The following ADGRE1 variants were observed in gnomAD, a reference collection of about 807,000 sequenced individuals.
ADGRE1 encodes adhesion G protein-coupled receptor E1.
A neutral mutation model predicts 102.7 loss-of-function variants in ADGRE1; 82 were observed. That is an observed-to-expected ratio of 0.80 (90% CI 0.67 to 0.96). The LOEUF (loss-of-function observed/expected upper bound fraction) is 0.96, where lower values mean the gene tolerates loss of function less well. Ranked by LOEUF, ADGRE1 falls within the 40% of genes least tolerant of loss-of-function variation. ADGRE1 has a pLI of 0.00. For missense variants in ADGRE1, 1,032 were observed against 1,085.3 expected (o/e 0.95, Z 0.69); for synonymous variants, 398 against 399.6 (o/e 1.00, Z 0.05).
At chr19:6,897,917 C>T (rs796988842) in intron 5 of ADGRE1, 1 of 76,216 alleles carries the variant, frequency 1.3e-5, no homozygotes, top group African/African-American at 1.1e-4. Context: ...AACATGATTT[C>T]CTTCCTTCCT....
intron 9 of ADGRE1, among the ~76,000 whole-genome samples, chr19:6,907,037 T>C (rs1049325833): frequency 3.3e-5 from 5 of 152,112 alleles, no homozygotes; most frequent in South Asian, 2.1e-4. Flanking sequence ...GTAATGTTGG[T>C]GTGGGGGTGT....
chr19:6,890,421 G>GTTTT (rs57355800), intron 1 of ADGRE1, 60 bp from the exon 2 acceptor site: 923 of 449,188 alleles, frequency 2.1e-3, no homozygotes, highest in South Asian at 4.1e-3. Context: ...AGCCCAAAAG[G>GTTTT]TTTTTTTTTT....
intron 15 of ADGRE1, among the ~76,000 whole-genome samples, chr19:6,925,530 G>A (rs1037757583): frequency 2.0e-5 from 3 of 152,078 alleles, no homozygotes; most frequent in African/African-American, 2.4e-5. Context: ...CTGGAGCAGC[G>A]TGCTACTGCT....
At chr19:6,892,675 CCACTATT>C (rs1224950219) in intron 2 of ADGRE1, among the ~76,000 whole-genome samples, 1 of 152,214 alleles carries the variant, frequency 6.6e-6, no homozygotes, top group Non-Finnish European at 1.5e-5. Flanking sequence ...AAACCCAACT[CCACTATT>C]CACAATAGTC....
At chr19:6,937,441 T>TCCCCCCCCCCCCCCCC in intron 19 of ADGRE1, 30 bp downstream of exon 19, 1 of 629,002 alleles carries the variant, frequency 1.6e-6, no homozygotes, top group Non-Finnish European at 2.2e-6. Flanking sequence ...CCCATCCCCC[T>TCCCCCCCCCCCCCCCC]CCTCCCATCC....
chr19:6,898,636 G>A, intron 5 of ADGRE1: 1 of 1,424,506 alleles, frequency 7.0e-7, no homozygotes. Flanking sequence ...TTCTGACTGT[G>A]TCAACTCCAT....
intron 20 of ADGRE1, among the ~76,000 whole-genome samples, chr19:6,939,741 T>C (rs896416492): frequency 1.3e-5 from 2 of 152,096 alleles, no homozygotes; most frequent in Admixed American, 6.6e-5. Flanking sequence ...CAGAAGTGTA[T>C]CATGTGACCA....
At chr19:6,919,976 C>T (rs11668944) in intron 13 of ADGRE1, among the ~76,000 whole-genome samples, 42,009 of 151,968 alleles carry the variant, frequency 0.28, 7,110 homozygotes, top group African/African-American at 0.47. Flanking sequence ...AGCCAAACAC[C>T]GAAGCACCGG....
intron 5 of ADGRE1, chr19:6,898,475 G>C (rs4086758): frequency 2.5e-6 from 4 of 1,587,842 alleles, no homozygotes; most frequent in African/African-American, 1.3e-5. Flanking sequence ...GATGCCCTCA[G>C]GTTCCCAGGG....
intron 17 of ADGRE1, among the ~76,000 whole-genome samples, chr19:6,929,983 C>T (rs112260149): frequency 0.012 from 1,753 of 152,260 alleles, 33 homozygotes; most frequent in African/African-American, 0.039. Context: ...CCCAGGTAAC[C>T]GCTTTCCTAT....
At position 6,926,441 on chromosome 19, in the gene ADGRE1, G is replaced by C. The variant is rs1974915608; in HGVS notation, c.2062G>C (p.Val688Leu). 1 of 1,614,232 alleles carries C rather than the reference G, an allele frequency of 6.2e-7. No homozygotes were observed. The highest frequency in any genetic ancestry group is 1.3e-5 in the African/African-American group (1 of 75,070). The stretch of plus-strand genomic sequence containing the variant: ...CTTCTTCTGGATGCTGGTGGAGGCT[G>C]TGATACTGTTCTTGATGGTCAGAAA... ...ACFFWMLVEA[V>L]ILFLMVRNLK... Residue 688 changes from valine (V) to leucine (L), a missense_variant, in exon 16 of 21, where the codon GTG (valine) becomes CTG (leucine). By Grantham distance (32) the Val-to-Leu change is conservative. Transcript: ENST00000312053.
intron 2 of ADGRE1, among the ~76,000 whole-genome samples, chr19:6,893,892 G>C (rs1302505357): frequency 6.6e-6 from 1 of 152,188 alleles, no homozygotes; most frequent in Non-Finnish European, 1.5e-5. Flanking sequence ...ATGCTGTACG[G>C]AAGAACTATT....
intron 13 of ADGRE1, 134 bp downstream of exon 13, chr19:6,919,881 C>A: frequency 2.5e-6 from 2 of 798,254 alleles, no homozygotes; most frequent in Non-Finnish European, 4.0e-6. Flanking sequence ...CAATTCAAGC[C>A]AATTAACAGA....
intron 12 of ADGRE1, among the ~76,000 whole-genome samples, chr19:6,918,439 T>G (rs1974486795): frequency 6.7e-6 from 1 of 150,114 alleles, no homozygotes. Flanking sequence ...AGACTCTGTC[T>G]CAAAAAAAAA....
chr19:6,926,647 T>C (rs1304727757), intron 16 of ADGRE1, 46 bp downstream of exon 16: 3 of 1,583,796 alleles, frequency 1.9e-6, no homozygotes, highest in Non-Finnish European at 2.6e-6. Flanking sequence ...TGCCAGGGCT[T>C]ATGGTGATAA....
intron 17 of ADGRE1, among the ~76,000 whole-genome samples, chr19:6,932,338 C>G (rs1312295532): frequency 6.6e-6 from 1 of 151,956 alleles, no homozygotes; most frequent in East Asian, 1.9e-4. Flanking sequence ...CGTGGTGGTG[C>G]ACGCCTGTAG....
Position 6,903,831 on chromosome 19 carries a change from T to G in ADGRE1, c.683T>G (p.Met228Arg), listed in dbSNP as rs1305700871. 3.7e-6 allele frequency: 6 copies of G among 1,614,126 alleles called. No individual in the cohort carries two copies. Among genetic ancestry groups the G allele is most frequent in the Admixed American group, 3.3e-5 (2 of 60,018 alleles). Residue 228 changes from methionine (M) to arginine (R), a missense_variant, in exon 7 of 21, where the codon ATG becomes AGG. Coordinates refer to ENST00000312053, the MANE Select transcript of ADGRE1 (RefSeq NM_001974.5). ...ACAGATATTGATGAATGCACTGAAA[T>G]GTGCCCCATCAATTCAACATGCACC... Reference protein sequence around the residue: ...SCEDIDECTEMCPINSTCTNT... With the variant: ...SCEDIDECTERCPINSTCTNT...
In ADGRE1 at chr19:6,903,823, C is replaced by A. The variant is rs1374836505; in HGVS notation, c.675C>A (p.Cys225Ter). 1 of 1,614,100 alleles carries A rather than the reference C, an allele frequency of 6.2e-7. No homozygotes were observed. Among genetic ancestry groups the A allele is most frequent in the South Asian group, 1.1e-5 (1 of 91,078 alleles). Residue 225 changes from cysteine (C) to a stop codon, truncating the protein, a stop_gained, in exon 7 of 21, where the codon TGC becomes TGA. Coordinates refer to ENST00000312053, the MANE Select transcript of ADGRE1 (RefSeq NM_001974.5). LOFTEE classifies it high-confidence loss of function. ...LKASCEDIDECTEMCPINSTC... is the reference protein window; with the variant it reads ...LKASCEDIDE ...TGTACCCCACAGATATTGATGAATG[C>A]ACTGAAATGTGCCCCATCAATTCAA...
intron 1 of ADGRE1, among the ~76,000 whole-genome samples, chr19:6,889,249 G>C (rs960830521): frequency 1.3e-5 from 2 of 149,882 alleles, no homozygotes; most frequent in African/African-American, 5.1e-5. Context: ...TGGTGATGGT[G>C]ATGATGATAA....
Sources: gnomAD v4.1 joint callset for allele counts (sites outside exome capture counted in the v4.1 genomes callset) on GRCh38, gnomAD v4.1.1 for gene constraint, MANE v1.5 for transcripts, NCBI Gene and HGNC (gene_info 2026-07-23, HGNC 2026-07-21) for gene names.